Variants in NRG1 observed in about 807,000 individuals in gnomAD.
NRG1 encodes pro-neuregulin-1, membrane-bound isoform.
A neutral mutation model predicts 63.8 loss-of-function variants in NRG1; 18 were observed. The ratio of observed to expected loss-of-function variants is 0.28; its 90% CI spans 0.19 to 0.42. The LOEUF (loss-of-function observed/expected upper bound fraction) is 0.42. Among genes scored for constraint, NRG1 ranks in the 10% least tolerant of loss-of-function variants. The pLI is 1.00. For synonymous variants in NRG1, 302 were observed against 301.3 expected, an observed-to-expected ratio of 1.00 and a Z score of -0.02; for missense variants, 762 against 814.7, an observed-to-expected ratio of 0.94 and a Z score of 0.79.
At position 32,355,333 on chromosome 8, in the gene NRG1, C is replaced by T. The variant is rs536149965; in HGVS notation, c.38-240495C>T. Among the ~76,000 whole-genome samples the T allele has an allele frequency of 6.5e-3, 992 of 152,034 alleles. 4 individuals are homozygous for T. The highest frequency in any genetic ancestry group is 0.011 in the Non-Finnish European group (750 of 67,990). ...AATTAGCCGGGCGTGGTGGTGTGCA[C>T]CTGTAGTCCCAACTACTCGGGAGGC... On this transcript the variant is annotated intron_variant, in intron 1 of 10. Coordinates refer to the NRG1 transcript ENST00000519301.
intron 1 of NRG1, among the ~76,000 whole-genome samples, chr8:31,753,222 T>A (rs1816657428): frequency 6.6e-6 from 1 of 152,066 alleles, no homozygotes; most frequent in Non-Finnish European, 1.5e-5. Context: ...AGATTTATCA[T>A]ATTCTAATGA....
chr8:32,150,524 G>C (rs2131820577), intron 1 of NRG1, among the ~76,000 whole-genome samples: 1 of 152,290 alleles, frequency 6.6e-6, no homozygotes, highest in South Asian at 2.1e-4. Context: ...TGCCATGTGA[G>C]GGCGTAGCAA....
chr8:31,979,096 C>T (rs531489536), intron 1 of NRG1, among the ~76,000 whole-genome samples: 1 of 152,278 alleles, frequency 6.6e-6, no homozygotes, highest in South Asian at 2.1e-4. Flanking sequence ...CTGTCTTATA[C>T]CTGCTGATCC....
At chr8:32,735,010 G>C (rs773378420) in intron 6 of NRG1, among the ~76,000 whole-genome samples, 2 of 152,062 alleles carry the variant, frequency 1.3e-5, no homozygotes, top group Non-Finnish European at 2.9e-5. Flanking sequence ...TAAATCACAG[G>C]TTTGCCAAGT....
chr8:31,750,702 C>G (rs1816373122), intron 1 of NRG1, among the ~76,000 whole-genome samples: 1 of 151,892 alleles, frequency 6.6e-6, no homozygotes, highest in South Asian at 2.1e-4. Context: ...TGACTATCTA[C>G]ATTTTTATGC....
At chr8:32,260,933 A>G (rs1850296887) in intron 1 of NRG1, among the ~76,000 whole-genome samples, 1 of 152,200 alleles carries the variant, frequency 6.6e-6, no homozygotes, top group East Asian at 1.9e-4. Context: ...TAAGTTATGG[A>G]AGAAAAACAC....
At chr8:32,609,928 C>A (rs913063827) in intron 3 of NRG1, among the ~76,000 whole-genome samples, 5 of 151,500 alleles carry the variant, frequency 3.3e-5, no homozygotes, top group Admixed American at 1.3e-4. Context: ...ACTTTGGGCT[C>A]CCAAAGTGCT....
chr8:32,432,410 A>C (rs1041912140), intron 1 of NRG1, among the ~76,000 whole-genome samples: 4 of 152,178 alleles, frequency 2.6e-5, no homozygotes, highest in African/African-American at 9.7e-5. Flanking sequence ...AGTTTAAAAA[A>C]TTTGCCCAAG....
chr8:31,935,523 G>C (rs1158053293), intron 1 of NRG1, among the ~76,000 whole-genome samples: 1 of 152,152 alleles, frequency 6.6e-6, no homozygotes, highest in African/African-American at 2.4e-5. Flanking sequence ...CTCCCAAAAG[G>C]TTGGGATTAC....
At chr8:32,204,957 AC>A (rs1269896032) in intron 1 of NRG1, among the ~76,000 whole-genome samples, 2 of 152,236 alleles carry the variant, frequency 1.3e-5, no homozygotes, top group African/African-American at 4.8e-5. Flanking sequence ...ATACACGAAA[AC>A]AAATATAAAA....
At chr8:32,243,041 T>TA (rs1242277843) in intron 1 of NRG1, among the ~76,000 whole-genome samples, 2 of 152,092 alleles carry the variant, frequency 1.3e-5, no homozygotes, top group Admixed American at 6.6e-5. Flanking sequence ...CCTTGGCTTG[T>TA]AGATGTCTGT....
At chr8:32,337,337 A>G (rs1206212334) in intron 1 of NRG1, among the ~76,000 whole-genome samples, 1 of 152,118 alleles carries the variant, frequency 6.6e-6, no homozygotes, top group African/African-American at 2.4e-5. Context: ...TACTAAGGCT[A>G]TTGAATGACC....
exon 1 of NRG1, chr8:32,548,701 G>A: frequency 6.4e-7 from 1 of 1,561,080 alleles, no homozygotes. Flanking sequence ...AGAGCCGTCC[G>A]CGTAGAGCGC....
chr8:31,854,759 A>G (rs181279062), intron 1 of NRG1, among the ~76,000 whole-genome samples: 453 of 151,554 alleles, frequency 3.0e-3, no homozygotes, highest in African/African-American at 0.011. Context: ...AGTGCTATAA[A>G]TTTCCCTCTA....
At chr8:32,511,485 CT>C (rs998168901) in intron 1 of NRG1, among the ~76,000 whole-genome samples, 1 of 150,534 alleles carries the variant, frequency 6.6e-6, no homozygotes, top group Non-Finnish European at 1.5e-5. Context: ...AAGCATTGTA[CT>C]TTTTCTCATT....
At chr8:32,111,323 G>A (rs192866122) in intron 1 of NRG1, among the ~76,000 whole-genome samples, 1 of 152,140 alleles carries the variant, frequency 6.6e-6, no homozygotes, top group Admixed American at 6.5e-5. Context: ...CACTATGTTG[G>A]CCAGGCTGGT....
At chr8:32,676,208 C>T (rs75615924) in intron 5 of NRG1, among the ~76,000 whole-genome samples, 2,670 of 152,240 alleles carry the variant, frequency 0.018, 90 homozygotes, top group African/African-American at 0.061. Context: ...CAGTGACTCC[C>T]GCTTTTTCTA....
chr8:31,892,120 G>A lies in NRG1; in HGVS notation c.37+252689G>A, dbSNP rs535413293. On this transcript the variant is annotated intron_variant, in intron 1 of 10. Coordinates refer to the NRG1 transcript ENST00000519301. ...GTGATATTGTGAGATGTTACCATGG[G>A]GGCAACTGGGTAAAGGGCAAATGGA... Among the ~76,000 whole-genome samples the A allele has an allele frequency of 5.3e-5, 8 of 152,110 alleles. No homozygotes were observed. In the South Asian group the frequency reaches 1.7e-3, roughly 32 times the overall value.
chr8:31,640,401 C>G lies in NRG1; in HGVS notation c.37+970C>G, dbSNP rs745448521. ...AGCCGCTGCTCGCCGCCAACGGGAC[C>G]GTGCCCTCTTGGCCCACCGCCCCGG... On this transcript the variant is annotated intron_variant, in intron 1 of 10. Coordinates refer to the NRG1 transcript ENST00000519301. This position sits in a 1 kb window ranked among gnomAD's most constrained non-coding sequence, Gnocchi z 6.3. The G allele has an allele frequency of 6.9e-7, 1 of 1,454,788 alleles. No homozygotes were observed. The highest frequency in any genetic ancestry group is 1.4e-5 in the South Asian group (1 of 73,054). The allele number at this position is 1,454,788 out of a possible 1,614,324, so 90.1% of individuals were successfully genotyped here.
Sources: gnomAD v4.1 joint callset for allele counts (sites outside exome capture counted in the v4.1 genomes callset) on GRCh38, gnomAD v4.1.1 for gene constraint, Gnocchi (gnomAD v3.1) non-coding constraint, MANE v1.5 for transcripts, NCBI Gene and HGNC (gene_info 2026-07-23, HGNC 2026-07-21) for gene names.